XXYLT1: variants seen among roughly 807,000 people sequenced by gnomAD.
XXYLT1 encodes UDP-xylose:alpha-xyloside alpha-1,3-xylosyltransferase.
In XXYLT1, 20 loss-of-function variants were observed where a neutral mutation model predicts 28.9. The ratio of observed to expected loss-of-function variants is 0.69; its 90% CI spans 0.49 to 1.00. The LOEUF (loss-of-function observed/expected upper bound fraction) is 1.00. Among genes scored for constraint, XXYLT1 ranks in the 50% least tolerant of loss-of-function variants. XXYLT1 has a pLI of 0.00. For missense variants in XXYLT1, 542 were observed against 560.1 expected, an observed-to-expected ratio of 0.97 and a Z score of 0.33; for synonymous variants, 257 against 253.8, an observed-to-expected ratio of 1.01 and a Z score of -0.12.
rs541128777 is a variant in XXYLT1 at position 195,183,786 on chromosome 3, G to A, written c.653-27205C>T. On this transcript the variant is annotated intron_variant, in intron 2 of 3. Coordinates refer to ENST00000310380, the MANE Select transcript of XXYLT1 (RefSeq NM_152531.5). ...TTACCCACCCTGGTCCCCAGGAAAG[G>A]GGCAATTTGGGACCAACTAGGACTC... Among the ~76,000 whole-genome samples the A allele has an allele frequency of 2.7e-4, 41 of 152,242 alleles. No homozygotes were observed. In the South Asian group the frequency reaches 8.1e-3, roughly 30 times the overall value.
At chr3:195,143,797 TATAG>T (rs1182268323) in intron 3 of XXYLT1, among the ~76,000 whole-genome samples, 3 of 107,248 alleles carry the variant, frequency 2.8e-5, no homozygotes, top group East Asian at 6.8e-4. Flanking sequence ...TATATATATA[TATAG>T]ATAGATATAT....
At chr3:195,245,958 G>A (rs911561983) in intron 1 of XXYLT1, among the ~76,000 whole-genome samples, 4 of 152,184 alleles carry the variant, frequency 2.6e-5, no homozygotes, top group Admixed American at 2.0e-4. Flanking sequence ...GCAGAACCAT[G>A]AGCCAATTAC....
At chr3:195,206,747 C>T (rs765552313) in intron 2 of XXYLT1, among the ~76,000 whole-genome samples, 2 of 150,920 alleles carry the variant, frequency 1.3e-5, no homozygotes, top group Non-Finnish European at 2.9e-5. Flanking sequence ...GCCTGGGTGA[C>T]AGAGCAAGAC....
At chr3:195,175,566 G>C in intron 2 of XXYLT1, 1 of 1,535,038 alleles carries the variant, frequency 6.5e-7, no homozygotes, top group African/African-American at 1.4e-5. Flanking sequence ...TTAGGACACA[G>C]GTCTGGGTGT....
intron 2 of XXYLT1, among the ~76,000 whole-genome samples, chr3:195,208,299 T>G (rs1723160492): frequency 6.6e-6 from 1 of 152,050 alleles, no homozygotes; most frequent in African/African-American, 2.4e-5. Flanking sequence ...CTGACTCACA[T>G]CTGTTCCCCT....
chr3:195,270,361 C>G, intron 1 of XXYLT1, 194 bp downstream of exon 1: 1 of 885,930 alleles, frequency 1.1e-6, no homozygotes. Context: ...TCCTCAGCAC[C>G]AGCTGAGGGC....
intron 3 of XXYLT1, among the ~76,000 whole-genome samples, chr3:195,141,380 G>C (rs901706324): frequency 6.6e-5 from 10 of 152,182 alleles, no homozygotes; most frequent in African/African-American, 1.9e-4. Flanking sequence ...TTTGCTACGT[G>C]AGTGTCATAT....
Position 195,078,908 on chromosome 3 carries a change from A to G in XXYLT1, c.786-8797T>C, listed in dbSNP as rs1715273455. On this transcript the variant is annotated intron_variant, in intron 3 of 3. Coordinates refer to ENST00000310380, the MANE Select transcript of XXYLT1 (RefSeq NM_152531.5). This position sits in a 1 kb window ranked among gnomAD's most constrained non-coding sequence, Gnocchi z 5.0. ...CTTCACCTTGACCACAGTGTCCTCA[A>G]ACCACACCTAAGCTACCCACTCGGC... 6.6e-6 allele frequency among the ~76,000 whole-genome samples: 1 copy of G among 152,114 alleles called. No individual in the cohort carries two copies. Among genetic ancestry groups the G allele is most frequent in the Non-Finnish European group, 1.5e-5 (1 of 68,016 alleles).
chr3:195,171,959 T>C (rs1003624429), intron 2 of XXYLT1, among the ~76,000 whole-genome samples: 1 of 152,224 alleles, frequency 6.6e-6, no homozygotes, highest in African/African-American at 2.4e-5. Context: ...ATTTCAGTTA[T>C]AAAGCCAGGC....
rs184723692 is a variant in XXYLT1 at position 195,107,560 on chromosome 3, G to A, written c.786-37449C>T. 2.3e-3 allele frequency among the ~76,000 whole-genome samples: 11 copies of A among 4,752 alleles called. 1 individual carries two copies. The highest frequency in any genetic ancestry group is 4.5e-3 in the Non-Finnish European group (9 of 1,996). 3.1% of individuals were successfully genotyped at this position (4,752 alleles called of 152,430 possible). On this transcript the variant is annotated intron_variant, in intron 3 of 3. Transcript: ENST00000310380. Reference sequence around the variant, plus strand: ...GAGGGGGAGGAGGAGGGGGAAGAGGGGGAGAGGAGGAGGGGGAGGAGGAGG... The same window carrying A: ...GAGGGGGAGGAGGAGGGGGAAGAGGAGGAGAGGAGGAGGGGGAGGAGGAGG...
At chr3:195,212,288 G>A (rs930670891) in intron 2 of XXYLT1, among the ~76,000 whole-genome samples, 2 of 152,222 alleles carry the variant, frequency 1.3e-5, no homozygotes, top group African/African-American at 4.8e-5. Flanking sequence ...CGATGGGATC[G>A]GATCCGACAG....
intron 3 of XXYLT1, chr3:195,094,167 G>T (rs1010306615): frequency 6.6e-6 from 1 of 152,456 alleles, no homozygotes; most frequent in African/African-American, 2.4e-5. Flanking sequence ...ATAAAGAAAC[G>T]CTGGCTGTGG....
chr3:195,270,897 C>T lies in XXYLT1; in HGVS notation c.162G>A (p.Arg54=), dbSNP rs763489036. The change falls in exon 1 of 4, where the codon AGG becomes AGA. Residue 54 remains arginine, a synonymous_variant. Transcript: ENST00000310380. ...GAGCCCCGGCGCGGGCCTCCTTCAG[C>T]CTCTTGGTGGCGCTGGAGAAGGTCT... ...GRETFSSATK[R]LKEARAGAPA... is the part of the protein sequence containing the mutation. The T allele has an allele frequency of 2.0e-6, 3 of 1,472,074 alleles. No individual in the cohort carries two copies. The highest frequency in any genetic ancestry group is 2.6e-5 in the South Asian group (2 of 76,586). 91.2% of individuals were successfully genotyped at this position (1,472,074 alleles called of 1,614,324 possible). A position where few individuals can be genotyped will look rare whatever the true frequency, so the allele number is the denominator to read the frequency against.
intron 1 of XXYLT1, among the ~76,000 whole-genome samples, chr3:195,261,955 C>T (rs1262310434): frequency 6.6e-6 from 1 of 152,182 alleles, no homozygotes; most frequent in African/African-American, 2.4e-5. Context: ...TTTGGCAGTT[C>T]CTCAAAAGGT....
intron 3 of XXYLT1, among the ~76,000 whole-genome samples, chr3:195,095,134 A>G (rs745902919): frequency 1.3e-5 from 2 of 152,260 alleles, no homozygotes; most frequent in Non-Finnish European, 2.9e-5. Context: ...ACTCTGAGTC[A>G]GGGAAAGTGT....
intron 2 of XXYLT1, among the ~76,000 whole-genome samples, chr3:195,181,765 G>A (rs1721964244): frequency 6.6e-6 from 1 of 152,158 alleles, no homozygotes; most frequent in African/African-American, 2.4e-5. Flanking sequence ...TCCCACAGCT[G>A]ATACCCTTAA....
intron 2 of XXYLT1, among the ~76,000 whole-genome samples, chr3:195,192,424 C>CAAAAAAAAA (rs1301489501): frequency 1.2e-4 from 17 of 142,174 alleles, no homozygotes; most frequent in African/African-American, 4.3e-4. Flanking sequence ...GACTCTGTCT[C>CAAAAAAAAA]AAGAAAAAAA....
intron 3 of XXYLT1, chr3:195,147,976 C>G (rs1354090046): frequency 6.6e-6 from 1 of 152,236 alleles, no homozygotes; most frequent in Non-Finnish European, 1.5e-5. Flanking sequence ...ACACAGGAAG[C>G]TTTTCACGTG....
intron 1 of XXYLT1, among the ~76,000 whole-genome samples, chr3:195,229,295 T>C (rs542173130): frequency 6.6e-6 from 1 of 152,326 alleles, no homozygotes; most frequent in Admixed American, 6.5e-5. Flanking sequence ...ATTTATGGAG[T>C]ATATGAGATA....
Sources: gnomAD v4.1 joint callset for allele counts (sites outside exome capture counted in the v4.1 genomes callset) on GRCh38, gnomAD v4.1.1 for gene constraint, Gnocchi (gnomAD v3.1) non-coding constraint, MANE v1.5 for transcripts, NCBI Gene and HGNC (gene_info 2026-07-23, HGNC 2026-07-21) for gene names.